The following DOCK7 variants were observed in gnomAD, a reference collection of about 807,000 sequenced individuals.
DOCK7 encodes the protein dedicator of cytokinesis 7.
Under a neutral mutation model 271.0 loss-of-function variants are expected in DOCK7, and 138 were observed. The observed-to-expected ratio is 0.51, with a 90% CI of 0.44 to 0.59. The LOEUF (loss-of-function observed/expected upper bound fraction) is 0.59, where lower values mean the gene tolerates loss of function less well. DOCK7 is among the 20% of genes least tolerant of loss of function. The pLI, the probability that DOCK7 is intolerant of heterozygous loss-of-function variation, is 0.00. For missense variants in DOCK7, 2,066 were observed against 2,592.4 expected, an observed-to-expected ratio of 0.80 and a Z score of 4.41; for synonymous variants, 823 against 876.1, an observed-to-expected ratio of 0.94 and a Z score of 1.07.
intron 12 of DOCK7, among the ~76,000 whole-genome samples, chr1:62,620,651 C>T (rs758970549): frequency 6.1e-4 from 93 of 151,578 alleles, no homozygotes; most frequent in Admixed American, 1.4e-3. Context: ...GAGGCCGAGG[C>T]GGGCGGACCA....
chr1:62,624,992 A>C (rs1049634648), intron 12 of DOCK7: 28 of 249,846 alleles, frequency 1.1e-4, no homozygotes, highest in Non-Finnish European at 1.7e-4. Flanking sequence ...ACAAAAAAAA[A>C]CAGGATACAG....
intron 13 of DOCK7, 90 bp downstream of exon 13, chr1:62,619,810 A>G: frequency 1.4e-6 from 1 of 695,246 alleles, no homozygotes; most frequent in South Asian, 2.4e-5. Flanking sequence ...GGGCCAGATA[A>G]ATAAAAAAAA....
intron 25 of DOCK7, among the ~76,000 whole-genome samples, chr1:62,540,875 G>GAGA (rs3073665): frequency 0.98 from 148,627 of 152,190 alleles, 72,673 homozygotes; most frequent in Middle Eastern, 1. Context: ...TACCTTACAG[G>GAGA]AGCAGAGATG....
intron 18 of DOCK7, among the ~76,000 whole-genome samples, chr1:62,566,948 C>T (rs1315480398): frequency 6.6e-6 from 1 of 152,172 alleles, no homozygotes; most frequent in Non-Finnish European, 1.5e-5. Flanking sequence ...TGAAAAAATG[C>T]TCATCATCAC....
intron 28 of DOCK7, among the ~76,000 whole-genome samples, chr1:62,536,417 AAT>A (rs1360675348): frequency 1.3e-5 from 2 of 152,188 alleles, no homozygotes; most frequent in Non-Finnish European, 2.9e-5. Context: ...GATATAAACA[AAT>A]ATGTTTCCTT....
chr1:62,529,012 A>C (rs1312535974), intron 30 of DOCK7, among the ~76,000 whole-genome samples: 2 of 152,216 alleles, frequency 1.3e-5, no homozygotes, highest in Admixed American at 6.5e-5. Context: ...GCATGTTCAC[A>C]CAAACATTTC....
At chr1:62,681,892 A>C (rs1661210812) in intron 1 of DOCK7, among the ~76,000 whole-genome samples, 1 of 152,260 alleles carries the variant, frequency 6.6e-6, no homozygotes, top group Admixed American at 6.5e-5. Context: ...GAATGACTTC[A>C]AAAAGAGAAG....
intron 43 of DOCK7, chr1:62,485,569 A>C (rs1033881300): frequency 1.0e-6 from 1 of 985,340 alleles, no homozygotes; most frequent in African/African-American, 1.7e-5. Flanking sequence ...ATACTAGAAA[A>C]TTAGCTAGGA....
intron 29 of DOCK7, among the ~76,000 whole-genome samples, chr1:62,532,995 C>G (rs1645225569): frequency 6.6e-6 from 1 of 152,114 alleles, no homozygotes. Context: ...GCTGACACTT[C>G]TAGCAGAGGT....
intron 14 of DOCK7, chr1:62,605,443 C>T (rs1346525730): frequency 6.5e-6 from 1 of 152,862 alleles, no homozygotes; most frequent in Non-Finnish European, 1.5e-5. Context: ...AGTTCGCTGT[C>T]TTTAAACAAA....
chr1:62,644,489 G>A (rs1656399631), intron 7 of DOCK7, among the ~76,000 whole-genome samples: 1 of 152,138 alleles, frequency 6.6e-6, no homozygotes, highest in African/African-American at 2.4e-5. Context: ...AAACCAGGAT[G>A]AGCAACAGCC....
intron 7 of DOCK7, among the ~76,000 whole-genome samples, chr1:62,640,618 G>A (rs1240594647): frequency 6.6e-6 from 1 of 152,212 alleles, no homozygotes; most frequent in Non-Finnish European, 1.5e-5. Context: ...GAAGGAGCAA[G>A]GGCAACGCCT....
chr1:62,498,955 C>T (rs1479842914), intron 37 of DOCK7, among the ~76,000 whole-genome samples: 7 of 152,220 alleles, frequency 4.6e-5, no homozygotes, highest in African/African-American at 1.7e-4. Flanking sequence ...GCGCCCGCCA[C>T]CATGCTTGGC....
chr1:62,555,056 G>C (rs1344357263), intron 21 of DOCK7, among the ~76,000 whole-genome samples: 1 of 152,100 alleles, frequency 6.6e-6, no homozygotes, highest in Non-Finnish European at 1.5e-5. Context: ...TAGGTTAAAT[G>C]ATACGCACAA....
chr1:62,665,661 AGCCGAGATT>A (rs1261358581), intron 1 of DOCK7, among the ~76,000 whole-genome samples: 3 of 144,758 alleles, frequency 2.1e-5, no homozygotes, highest in East Asian at 4.2e-4. Flanking sequence ...GATCACGTCA[AGCCGAGATT>A]GCGCCACTGC....
chr1:62,546,939 C>T (rs1374143351), intron 22 of DOCK7, among the ~76,000 whole-genome samples: 1 of 152,076 alleles, frequency 6.6e-6, no homozygotes, highest in Non-Finnish European at 1.5e-5. Flanking sequence ...TTTACAGTCA[C>T]TACTCATGTT....
intron 14 of DOCK7, chr1:62,598,854 A>C: frequency 9.1e-7 from 1 of 1,095,566 alleles, no homozygotes; most frequent in South Asian, 1.3e-5. Flanking sequence ...ACAGGTCTGT[A>C]AAAACACTGA....
chr1:62,553,031 A>ACTT (rs1491081980), intron 21 of DOCK7, 130 bp from the exon 22 acceptor site: 5 of 401,776 alleles, frequency 1.2e-5, no homozygotes, highest in Non-Finnish European at 1.7e-5. Flanking sequence ...TAAAAAATAT[A>ACTT]CTTTTTTTTT....
At position 62,505,697 on chromosome 1, in the gene DOCK7, T is replaced by C; in HGVS notation, c.4596A>G (p.Arg1532=). The change falls in exon 36 of 50, where the codon AGA becomes AGG. Residue 1532 remains arginine, a synonymous_variant. Coordinates refer to ENST00000635253, the MANE Select transcript of DOCK7 (RefSeq NM_001367561.1). The part of the protein sequence containing the change: ...VYLQHCFATQ[R]ALVSKFPELL... ...AATAACCTACCTTTGAAACCAAGGCTCTCTGTGTAGCAAAACAGTGTTGTA... is the reference window on the plus strand; with the variant it reads ...AATAACCTACCTTTGAAACCAAGGCCCTCTGTGTAGCAAAACAGTGTTGTA... 1.2e-6 allele frequency: 2 copies of C among 1,609,162 alleles called. No homozygotes were observed. The highest frequency in any genetic ancestry group is 1.7e-6 in the Non-Finnish European group (2 of 1,178,220).
Sources: gnomAD v4.1 joint callset for allele counts (sites outside exome capture counted in the v4.1 genomes callset) on GRCh38, gnomAD v4.1.1 for gene constraint, MANE v1.5 for transcripts, NCBI Gene and HGNC (gene_info 2026-07-23, HGNC 2026-07-21) for gene names.